CGGBP1: variants seen among roughly 807,000 people sequenced by gnomAD.
CGGBP1 encodes the protein CGG triplet repeat binding protein 1, also known as CGG triplet repeat-binding protein 1.
Under a neutral mutation model 11.4 loss-of-function variants are expected in CGGBP1, and 4 were observed. The observed-to-expected ratio is 0.35, with a 90% CI of 0.17 to 0.80. The LOEUF (loss-of-function observed/expected upper bound fraction) is 0.80. CGGBP1 is among the 30% of genes least tolerant of loss of function. The pLI, the probability that CGGBP1 is intolerant of heterozygous loss-of-function variation, is 0.52. For synonymous variants in CGGBP1, 76 were observed against 74.1 expected (o/e 1.03, Z -0.13); for missense variants, 135 against 202.1 (o/e 0.67, Z 2.01).
At chr3:88,139,429 T>C (rs777446476) in intron 2 of CGGBP1, 16 of 1,613,732 alleles carry the variant, frequency 9.9e-6, no homozygotes, top group South Asian at 2.2e-5. Flanking sequence ...AGAGGACTTA[T>C]GCAGAAGCAT....
At position 88,055,457 on chromosome 3, in the gene CGGBP1, G is replaced by T; in HGVS notation, c.*16C>A. 6.6e-7 allele frequency: 1 copy of T among 1,507,020 alleles called. No homozygotes were observed. Among genetic ancestry groups the T allele is most frequent in the Non-Finnish European group, 8.9e-7 (1 of 1,126,630 alleles). 93.4% of individuals were successfully genotyped at this position (1,507,020 alleles called of 1,614,324 possible). On this transcript the variant is annotated 3_prime_UTR_variant, in exon 4 of 4. Coordinates refer to ENST00000482016, the MANE Select transcript of CGGBP1 (RefSeq NM_001008390.2). The surrounding 1 kb of genome is among the most constrained non-coding windows in gnomAD (Gnocchi z 4.2). ...ACTCCACATTTATCTTGATCACAAT[G>T]GTGGTAACCTCCTAGTCAACAATCT...
intron 2 of CGGBP1, among the ~76,000 whole-genome samples, chr3:88,123,027 GT>G (rs1705871556): frequency 9.1e-5 from 13 of 143,440 alleles, no homozygotes; most frequent in South Asian, 4.4e-4. Context: ...AAAAAAAAAA[GT>G]AAAAAGAAAA....
chr3:88,063,058 G>A (rs911838420), upstream of CGGBP1, among the ~76,000 whole-genome samples: 4 of 152,160 alleles, frequency 2.6e-5, no homozygotes, highest in African/African-American at 9.7e-5. Context: ...CAACTGTGGC[G>A]GGGTTCTCAG....
chr3:88,127,600 AAGAC>A (rs1341947591), intron 2 of CGGBP1, among the ~76,000 whole-genome samples: 9 of 150,364 alleles, frequency 6.0e-5, no homozygotes, highest in Non-Finnish European at 1.2e-4. Flanking sequence ...AAGCTAGACA[AAGAC>A]AGAGTTTCAA....
chr3:88,141,858 A>G, intron 1 of CGGBP1: 2 of 406,644 alleles, frequency 4.9e-6, no homozygotes, highest in East Asian at 3.6e-5. Context: ...AAACTCCCAA[A>G]GTACCAGTTT....
Position 88,055,491 on chromosome 3 carries a change from G to C in CGGBP1, c.486C>G (p.Leu162=). 2 of 1,523,724 alleles carry C rather than the reference G, an allele frequency of 1.3e-6. No individual in the cohort carries two copies. The highest frequency in any genetic ancestry group is 1.8e-6 in the Non-Finnish European group (2 of 1,135,218). 94.4% of individuals were successfully genotyped at this position (1,523,724 alleles called of 1,614,324 possible). A position where few individuals can be genotyped will look rare whatever the true frequency, so the allele number is the denominator to read the frequency against. The change falls in exon 4 of 4, where the codon CTC becomes CTG. Residue 162 remains leucine (L), a synonymous_variant. Transcript: ENST00000482016. This position sits in a 1 kb window ranked among gnomAD's most constrained non-coding sequence, Gnocchi z 4.2. ...PDGYENENQL[L]NSQDC ...CTCCTAGTCAACAATCTTGTGAGTT[G>C]AGGAGTTGATTCTCATTCTCATATC...
chr3:88,122,176 T>G (rs1426804597), intron 2 of CGGBP1, among the ~76,000 whole-genome samples: 1 of 152,110 alleles, frequency 6.6e-6, no homozygotes, highest in Non-Finnish European at 1.5e-5. Context: ...AAGATAGGAT[T>G]TAGATACGTT....
At chr3:88,113,044 A>G (rs1705189447) in intron 2 of CGGBP1, 12 of 1,035,666 alleles carry the variant, frequency 1.2e-5, no homozygotes, top group Admixed American at 2.4e-5. Flanking sequence ...GATAGCTGAT[A>G]CTGTTTGATA....
In CGGBP1 at chr3:88,064,345, T is replaced by A. The variant is rs141109323; in HGVS notation, c.-228-6122A>T. On this transcript the variant is annotated intron_variant, in intron 2 of 3. Coordinates refer to the CGGBP1 transcript ENST00000462901. ...TCACTATTGATCTCACTATTGAGCA[T>A]GTTCACTATGTACACTTTGATTATA... Among the ~76,000 whole-genome samples the A allele has an allele frequency of 5.3e-3, 812 of 152,322 alleles. 4 individuals carry two copies. The highest frequency in any genetic ancestry group is 0.017 in the African/African-American group (699 of 41,582).
chr3:88,058,698 C>CCG (rs1576163522), intron 1 of CGGBP1, 117 bp downstream of exon 1: 1 of 152,282 alleles, frequency 6.6e-6, no homozygotes, highest in East Asian at 1.9e-4. Flanking sequence ...CCTCTTCCTC[C>CCG]CTCCGACAAC....
At chr3:88,149,179 G>C (rs1286007133) in intron 1 of CGGBP1, among the ~76,000 whole-genome samples, 1 of 152,176 alleles carries the variant, frequency 6.6e-6, no homozygotes, top group African/African-American at 2.4e-5. Flanking sequence ...TTTAGTAAGA[G>C]CTCTTTAGTA....
intron 2 of CGGBP1, chr3:88,128,706 TAAATC>T: frequency 1.3e-6 from 1 of 763,526 alleles, no homozygotes; most frequent in Non-Finnish European, 2.0e-6. Flanking sequence ...TTTAAGTAGT[TAAATC>T]TAATTAGAAA....
At chr3:88,096,731 A>T (rs1304111991) in intron 2 of CGGBP1, among the ~76,000 whole-genome samples, 1 of 152,034 alleles carries the variant, frequency 6.6e-6, no homozygotes, top group Non-Finnish European at 1.5e-5. Flanking sequence ...TGAGTAGGTA[A>T]TACATGTTCA....
chr3:88,118,698 A>G (rs1410319529), intron 2 of CGGBP1, among the ~76,000 whole-genome samples: 2 of 152,116 alleles, frequency 1.3e-5, no homozygotes, highest in African/African-American at 4.8e-5. Flanking sequence ...AAAGAAAACA[A>G]CCATATCAGC....
chr3:88,095,411 G>T (rs1003523600), intron 2 of CGGBP1: 1 of 340,006 alleles, frequency 2.9e-6, no homozygotes, highest in African/African-American at 2.2e-5. Context: ...CCCCCTTTTA[G>T]CCCTTTGCTG....
At chr3:88,090,563 TAAAGA>T (rs2107676727) in intron 2 of CGGBP1, among the ~76,000 whole-genome samples, 1 of 150,466 alleles carries the variant, frequency 6.6e-6, no homozygotes, top group African/African-American at 2.4e-5. Context: ...AATTTATTAT[TAAAGA>T]AAAAAATTTT....
At chr3:88,144,819 A>G (rs1166647810) in intron 1 of CGGBP1, among the ~76,000 whole-genome samples, 2 of 152,068 alleles carry the variant, frequency 1.3e-5, no homozygotes, top group Non-Finnish European at 2.9e-5. Flanking sequence ...AACATAATAT[A>G]GAAAATAGAA....
At chr3:88,124,563 A>G (rs1367713495) in intron 2 of CGGBP1, among the ~76,000 whole-genome samples, 1 of 152,252 alleles carries the variant, frequency 6.6e-6, no homozygotes, top group Non-Finnish European at 1.5e-5. Flanking sequence ...TTATGAAAGA[A>G]TATGACAGTT....
chr3:88,080,039 C>G (rs532527341), intron 2 of CGGBP1, among the ~76,000 whole-genome samples: 160 of 150,106 alleles, frequency 1.1e-3, no homozygotes, highest in Non-Finnish European at 2.0e-3. Flanking sequence ...CTTTTTTTTT[C>G]CAAACAATTT....
Sources: allele counts gnomAD v4.1 joint callset (sites outside exome capture counted in the v4.1 genomes callset), GRCh38; gene constraint gnomAD v4.1.1; non-coding constraint Gnocchi (gnomAD v3.1); transcripts MANE v1.5; gene names NCBI Gene and HGNC (gene_info 2026-07-23, HGNC 2026-07-21).